PTPRN2: variants seen among roughly 807,000 people sequenced by gnomAD.
PTPRN2 encodes receptor-type tyrosine-protein phosphatase N2.
In PTPRN2, 74 loss-of-function variants were observed where a neutral mutation model predicts 118.8. The ratio of observed to expected loss-of-function variants is 0.62; its 90% confidence interval spans 0.52 to 0.76. The LOEUF is 0.76. Ranked by LOEUF, PTPRN2 falls within the 30% of genes least tolerant of loss-of-function variation. The probability of loss-of-function intolerance (pLI) is 0.00; values close to 1 mark genes in which losing one functional copy is unlikely to be tolerated. For synonymous variants in PTPRN2, 641 were observed against 608.0 expected, an observed-to-expected ratio of 1.05 and a Z score of -0.80; for missense variants, 1,481 against 1,394.4, an observed-to-expected ratio of 1.06 and a Z score of -0.99.
intron 2 of PTPRN2, among the ~76,000 whole-genome samples, chr7:158,458,332 A>C (rs546504724): frequency 6.6e-6 from 1 of 152,248 alleles, no homozygotes; most frequent in Non-Finnish European, 1.5e-5. Context: ...AGATGCTGAC[A>C]CAGGCTGAGA....
chr7:158,110,716 A>T, intron 10 of PTPRN2, 113 bp downstream of exon 10: 1 of 975,594 alleles, frequency 1.0e-6, no homozygotes, highest in Non-Finnish European at 1.6e-6. Context: ...TTCTCTAAAC[A>T]GGTTCCCTCA....
chr7:158,297,490 T>C (rs1800584425), intron 3 of PTPRN2, among the ~76,000 whole-genome samples: 1 of 152,178 alleles, frequency 6.6e-6, no homozygotes. Flanking sequence ...GACTTGAGGC[T>C]TCATTCTTCA....
intron 2 of PTPRN2, among the ~76,000 whole-genome samples, chr7:158,429,909 CTTTTCTT>C (rs1295529906): frequency 1.3e-5 from 2 of 152,042 alleles, no homozygotes; most frequent in Non-Finnish European, 2.9e-5. Flanking sequence ...TTTTTCTTTT[CTTTTCTT>C]TTTTCTTTTG....
chr7:158,290,494 C>T (rs1482409956), intron 3 of PTPRN2, among the ~76,000 whole-genome samples: 1 of 152,128 alleles, frequency 6.6e-6, no homozygotes, highest in Non-Finnish European at 1.5e-5. Context: ...CCTGCATGAT[C>T]CTACCTGGTA....
chr7:157,820,568 A>G (rs1806770219), intron 12 of PTPRN2, among the ~76,000 whole-genome samples: 3 of 149,864 alleles, frequency 2.0e-5, no homozygotes, highest in African/African-American at 7.4e-5. Flanking sequence ...ACACACACTC[A>G]TACATGCACT....
At chr7:157,995,850 C>T (rs933274569) in intron 11 of PTPRN2, among the ~76,000 whole-genome samples, 8 of 152,162 alleles carry the variant, frequency 5.3e-5, no homozygotes, top group African/African-American at 9.7e-5. Flanking sequence ...CACACTGGAA[C>T]GATAGCAAAA....
At chr7:158,460,981 T>C (rs1218942753) in intron 2 of PTPRN2, among the ~76,000 whole-genome samples, 1 of 152,188 alleles carries the variant, frequency 6.6e-6, no homozygotes, top group East Asian at 1.9e-4. Flanking sequence ...AAAAATCTTC[T>C]AGAGATGCAG....
intron 3 of PTPRN2, among the ~76,000 whole-genome samples, chr7:158,283,612 G>A (rs1177647337): frequency 6.6e-6 from 1 of 152,164 alleles, no homozygotes; most frequent in Admixed American, 6.5e-5. Flanking sequence ...CATGTCCACG[G>A]CACCCTGATG....
intron 10 of PTPRN2, among the ~76,000 whole-genome samples, chr7:158,104,348 A>G (rs994708977): frequency 7.9e-5 from 12 of 152,248 alleles, no homozygotes; most frequent in African/African-American, 2.9e-4. Context: ...TGGAAGACAC[A>G]TAAGAATCAA....
chr7:157,548,426 G>A (rs756846435), intron 22 of PTPRN2, among the ~76,000 whole-genome samples: 8 of 152,110 alleles, frequency 5.3e-5, no homozygotes, highest in African/African-American at 1.7e-4. Context: ...TCAACCTCAC[G>A]TCCAGTTCTT....
chr7:158,291,549 A>G (rs929054658), intron 3 of PTPRN2, among the ~76,000 whole-genome samples: 2 of 152,206 alleles, frequency 1.3e-5, no homozygotes, highest in Non-Finnish European at 2.9e-5. Context: ...CTTTAAAGTT[A>G]AGATTCACTG....
At chr7:158,008,931 T>C (rs887840056) in intron 11 of PTPRN2, among the ~76,000 whole-genome samples, 1 of 152,244 alleles carries the variant, frequency 6.6e-6, no homozygotes, top group African/African-American at 2.4e-5. Context: ...CTCAGACTTC[T>C]TCTGAAATGA....
intron 11 of PTPRN2, among the ~76,000 whole-genome samples, chr7:157,941,434 A>G (rs529752990): frequency 1.4e-5 from 2 of 140,594 alleles, no homozygotes; most frequent in Non-Finnish European, 1.5e-5. Context: ...GACACTGCAA[A>G]TCTAACATCC....
intron 2 of PTPRN2, among the ~76,000 whole-genome samples, chr7:158,387,516 A>T: frequency 1.3e-5 from 2 of 152,298 alleles, no homozygotes; most frequent in Non-Finnish European, 2.9e-5. Context: ...CGATGTTGGA[A>T]AGCACTCTCT....
chr7:158,207,915 A>G (rs1827286843), intron 3 of PTPRN2, among the ~76,000 whole-genome samples: 1 of 152,244 alleles, frequency 6.6e-6, no homozygotes. Context: ...GACAATCAGA[A>G]TCCTATCCGA....
intron 11 of PTPRN2, among the ~76,000 whole-genome samples, chr7:158,017,446 G>T (rs910849457): frequency 6.6e-6 from 1 of 152,164 alleles, no homozygotes; most frequent in African/African-American, 2.4e-5. Context: ...GCAGAGAGGG[G>T]TGCCCAGGAG....
At chr7:157,733,531 T>C (rs113008959) in intron 12 of PTPRN2, among the ~76,000 whole-genome samples, 3 of 28,450 alleles carry the variant, frequency 1.1e-4, no homozygotes, top group East Asian at 6.5e-4. Flanking sequence ...CTCTTTGCCG[T>C]CCCATGCGCC....
At chr7:158,282,535 G>A (rs1586120023) in intron 3 of PTPRN2, among the ~76,000 whole-genome samples, 2 of 152,354 alleles carry the variant, frequency 1.3e-5, no homozygotes, top group South Asian at 4.1e-4. Context: ...TGTGAGCTGT[G>A]GCAGCCATAC....
chr7:158,333,593 C>G (rs1408145307), intron 2 of PTPRN2, among the ~76,000 whole-genome samples: 8 of 151,532 alleles, frequency 5.3e-5, no homozygotes, highest in East Asian at 1.9e-4. Context: ...ACACGTCACA[C>G]ACACCCACAC....
Sources: allele counts gnomAD v4.1 joint callset (sites outside exome capture counted in the v4.1 genomes callset), GRCh38; gene constraint gnomAD v4.1.1; transcripts MANE v1.5; gene names NCBI Gene and HGNC (gene_info 2026-07-23, HGNC 2026-07-21).